Variants in SNAP91 observed in about 807,000 individuals in gnomAD.
The protein encoded by SNAP91 is clathrin coat assembly protein AP180.
In SNAP91, 27 loss-of-function variants were observed where a neutral mutation model predicts 100.3. That is an observed-to-expected ratio of 0.27 (90% CI 0.20 to 0.37). SNAP91 has a LOEUF of 0.37. Ranked by LOEUF, SNAP91 falls within the 10% of genes least tolerant of loss-of-function variation. The pLI, the probability that SNAP91 is intolerant of heterozygous loss-of-function variation, is 1.00. For synonymous variants in SNAP91, 404 were observed against 398.6 expected, an observed-to-expected ratio of 1.01 and a Z score of -0.16; for missense variants, 986 against 1,123.7, an observed-to-expected ratio of 0.88 and a Z score of 1.75.
chr6:83,689,366 T>A (rs1179129371), intron 2 of SNAP91, among the ~76,000 whole-genome samples: 1 of 152,186 alleles, frequency 6.6e-6, no homozygotes, highest in African/African-American at 2.4e-5. Flanking sequence ...TCTGTTTTTG[T>A]TTTCATAACA....
intron 2 of SNAP91, among the ~76,000 whole-genome samples, chr6:83,682,360 T>C (rs1249623863): frequency 6.6e-6 from 1 of 151,540 alleles, no homozygotes; most frequent in Non-Finnish European, 1.5e-5. Flanking sequence ...TTTGTGTTTT[T>C]GTTTGTGTGT....
chr6:83,656,665 C>A (rs373640814), intron 7 of SNAP91, 89 bp downstream of exon 7: 2 of 371,502 alleles, frequency 5.4e-6, no homozygotes, highest in African/African-American at 7.9e-5. Context: ...ATATTGCCCA[C>A]CAAGTGAGAC....
Position 83,594,656 on chromosome 6 carries a change from C to T in SNAP91, c.1325-175G>A, listed in dbSNP as rs1200405640. 9.8e-6 allele frequency: 5 copies of T among 509,828 alleles called. No individual in the cohort carries two copies. The Admixed American group carries it at 1.1e-4, about 11-fold the overall frequency. The allele number at this position is 509,828 out of a possible 1,614,324, so 31.6% of individuals were successfully genotyped here. ...TCACAAAACAATTATTCTTTGCACA[C>T]CTTCATGTTAGTTAACATGCAAGTG... On this transcript the variant is annotated intron_variant, in intron 16 of 29. Transcript: ENST00000369694.
Position 83,657,153 on chromosome 6 carries a change from T to C in SNAP91, c.547-288A>G, listed in dbSNP as rs187778432. On this transcript the variant is annotated intron_variant, in intron 6 of 29. Coordinates refer to ENST00000369694, the MANE Select transcript of SNAP91 (RefSeq NM_001242792.2). ...ATTATTCAAATTTAACTTTTGAAAA[T>C]CTGGTGTTTTGTTACTTTTACTGTT... Among the ~76,000 whole-genome samples, 862 of 152,310 alleles carry C rather than the reference T, an allele frequency of 5.7e-3. 4 individuals are homozygous for C. Among genetic ancestry groups the C allele is most frequent in the African/African-American group, 0.02 (815 of 41,554 alleles).
intron 2 of SNAP91, among the ~76,000 whole-genome samples, chr6:83,673,258 G>T (rs1235367049): frequency 6.6e-6 from 1 of 152,070 alleles, no homozygotes. Flanking sequence ...ATGGTATTAG[G>T]AGAGGAAGAC....
chr6:83,654,077 G>T (rs189107359), intron 7 of SNAP91, among the ~76,000 whole-genome samples: 90 of 152,296 alleles, frequency 5.9e-4, no homozygotes, highest in African/African-American at 2.1e-3. Flanking sequence ...GCCTAGTTGA[G>T]CTCCTGGAGG....
At chr6:83,616,923 A>G in intron 10 of SNAP91, 46 bp downstream of exon 10, 3 of 1,176,896 alleles carry the variant, frequency 2.5e-6, no homozygotes, top group Non-Finnish European at 2.4e-6. Flanking sequence ...TAGAAGAACG[A>G]CTGTAGTATT....
intron 2 of SNAP91, among the ~76,000 whole-genome samples, chr6:83,671,093 C>T (rs1395072103): frequency 6.6e-6 from 1 of 151,908 alleles, no homozygotes; most frequent in Non-Finnish European, 1.5e-5. Flanking sequence ...CCCTATAGAT[C>T]AATTTGGGGT....
At chr6:83,696,335 T>C (rs1306154507) in intron 2 of SNAP91, among the ~76,000 whole-genome samples, 1 of 152,154 alleles carries the variant, frequency 6.6e-6, no homozygotes, top group African/African-American at 2.4e-5. Context: ...AATTACATAT[T>C]AGGGCACCTA....
At chr6:83,703,415 T>C (rs2099344667) in intron 2 of SNAP91, among the ~76,000 whole-genome samples, 1 of 152,144 alleles carries the variant, frequency 6.6e-6, no homozygotes, top group Non-Finnish European at 1.5e-5. Flanking sequence ...AGAACTTCTA[T>C]GAATTAAAAT....
At position 83,707,938 on chromosome 6, in the gene SNAP91, C is replaced by G. The variant is rs1388572186; in HGVS notation, c.-11G>C. On this transcript the variant is annotated 5_prime_UTR_variant, in exon 2 of 30. Transcript: ENST00000369694. ...CGTTTGGCCCGACATCTTCTGTGGT[C>G]GCGTCTACCGCCTCCTCTTCTGCAG... The G allele has an allele frequency of 1.3e-6, 2 of 1,566,496 alleles. No individual in the cohort carries two copies. The highest frequency in any genetic ancestry group is 1.7e-6 in the Non-Finnish European group (2 of 1,163,578).
chr6:83,688,846 C>T (rs217290), intron 2 of SNAP91, among the ~76,000 whole-genome samples: 57,865 of 151,880 alleles, frequency 0.38, 11,500 homozygotes, highest in South Asian at 0.5. Flanking sequence ...GCTTTCAAAA[C>T]ATATCAGTCA....
At chr6:83,642,733 T>C (rs2097762277) in intron 7 of SNAP91, among the ~76,000 whole-genome samples, 1 of 152,202 alleles carries the variant, frequency 6.6e-6, no homozygotes, top group Non-Finnish European at 1.5e-5. Context: ...TCAAATGGTA[T>C]TTCTAGTTCT....
chr6:83,634,732 T>C (rs1298378170), intron 8 of SNAP91, among the ~76,000 whole-genome samples: 1 of 152,224 alleles, frequency 6.6e-6, no homozygotes, highest in African/African-American at 2.4e-5. Flanking sequence ...TGTGTGATGT[T>C]AGGTTATTAA....
At chr6:83,615,160 C>T (rs551495339) in intron 10 of SNAP91, among the ~76,000 whole-genome samples, 4 of 151,730 alleles carry the variant, frequency 2.6e-5, no homozygotes, top group African/African-American at 7.3e-5. Flanking sequence ...CACAAGGGGG[C>T]GAATTTAGAT....
At chr6:83,617,619 T>A (rs906195489) in intron 9 of SNAP91, among the ~76,000 whole-genome samples, 1 of 151,338 alleles carries the variant, frequency 6.6e-6, no homozygotes, top group African/African-American at 2.4e-5. Flanking sequence ...TTTATATGTA[T>A]AATAAAGTAA....
upstream of SNAP91, chr6:83,709,131 G>A (rs2099419387): frequency 6.6e-6 from 1 of 152,364 alleles, no homozygotes; most frequent in African/African-American, 2.4e-5. Context: ...CCTCAGCTGT[G>A]GCTCCTCCGA....
At chr6:83,575,889 A>T (rs1223833075) in intron 25 of SNAP91, 134 bp downstream of exon 25, 11 of 605,968 alleles carry the variant, frequency 1.8e-5, no homozygotes, top group Admixed American at 4.0e-5. Flanking sequence ...GATGAAATAA[A>T]CACCAATTGT....
At chr6:83,563,244 A>AAG (rs1203501058) in intron 26 of SNAP91, among the ~76,000 whole-genome samples, 1 of 152,148 alleles carries the variant, frequency 6.6e-6, no homozygotes, top group African/African-American at 2.4e-5. Flanking sequence ...CCACTTTCCT[A>AAG]AGAGAGACCT....
Sources: allele counts gnomAD v4.1 joint callset (sites outside exome capture counted in the v4.1 genomes callset), GRCh38; gene constraint gnomAD v4.1.1; transcripts MANE v1.5; gene names NCBI Gene and HGNC (gene_info 2026-07-23, HGNC 2026-07-21).